The following BTG4 variants were observed in gnomAD, a reference collection of about 807,000 sequenced individuals.
The protein encoded by BTG4 is protein BTG4.
In BTG4, 10 loss-of-function variants were observed where a neutral mutation model predicts 19.3. The observed-to-expected ratio is 0.52, with a 90% confidence interval of 0.32 to 0.88. BTG4 has a LOEUF of 0.88. Among genes scored for constraint, BTG4 ranks in the 40% least tolerant of loss-of-function variants. BTG4 has a pLI of 0.04. For synonymous variants in BTG4, 91 were observed against 95.7 expected (o/e 0.95, Z 0.29); for missense variants, 238 against 281.9 (o/e 0.84, Z 1.11).
the BTG4 span, among the ~76,000 whole-genome samples, chr11:111,423,185 C>T: frequency 2.6e-5 from 4 of 152,136 alleles, no homozygotes; most frequent in Admixed American, 6.5e-5. Flanking sequence ...GAAGGGCCAC[C>T]GCAGTGACAG....
chr11:111,458,410 C>T, the BTG4 span, among the ~76,000 whole-genome samples: 1 of 152,182 alleles, frequency 6.6e-6, no homozygotes, highest in African/African-American at 2.4e-5. Context: ...CCCATGAGTG[C>T]TTGACTGCCT....
At chr11:111,497,095 A>C (rs758601039) in intron 4 of BTG4, 116 bp downstream of exon 4, 1 of 1,064,524 alleles carries the variant, frequency 9.4e-7, no homozygotes. Context: ...CTGGCTTTTA[A>C]AAATCTACAG....
downstream of BTG4, among the ~76,000 whole-genome samples, chr11:111,466,013 C>T (rs1017579927): frequency 1.3e-5 from 2 of 152,142 alleles, no homozygotes; most frequent in Non-Finnish European, 2.9e-5. Flanking sequence ...TTTAAGGGTT[C>T]CCAGCCCCAC....
chr11:111,476,169 T>C (rs921815833), intron 5 of BTG4, among the ~76,000 whole-genome samples: 2 of 75,982 alleles, frequency 2.6e-5, no homozygotes, highest in South Asian at 5.1e-4. Flanking sequence ...CAATAAAATA[T>C]TTGTTAACAA....
chr11:111,415,479 A>G, the BTG4 span, among the ~76,000 whole-genome samples: 1 of 152,334 alleles, frequency 6.6e-6, no homozygotes, highest in Admixed American at 6.5e-5. Flanking sequence ...TGCCCTCCTG[A>G]CCTAGGTCCC....
At chr11:111,422,663 G>A in the BTG4 span, among the ~76,000 whole-genome samples, 2 of 152,206 alleles carry the variant, frequency 1.3e-5, no homozygotes, top group Non-Finnish European at 2.9e-5. Context: ...TAGAACCTTT[G>A]TGCCTCAGGT....
At chr11:111,489,037 C>T (rs577950508) in intron 5 of BTG4, among the ~76,000 whole-genome samples, 2 of 43,794 alleles carry the variant, frequency 4.6e-5, no homozygotes, top group Non-Finnish European at 1.2e-4. Flanking sequence ...TCCAGCTACT[C>T]GGGAGGCTGA....
chr11:111,445,351 A>G, the BTG4 span, among the ~76,000 whole-genome samples: 1 of 152,146 alleles, frequency 6.6e-6, no homozygotes, highest in African/African-American at 2.4e-5. Context: ...TTCACAGCAA[A>G]GCCTCCAGCA....
At chr11:111,418,121 TTCA>T in the BTG4 span, 1 of 152,208 alleles carries the variant, frequency 6.6e-6, no homozygotes, top group East Asian at 1.9e-4. Flanking sequence ...AGTTTAGTTG[TTCA>T]TGAGTGATTT....
intron 1 of BTG4, among the ~76,000 whole-genome samples, chr11:111,503,685 C>A (rs1866248238): frequency 6.6e-6 from 1 of 152,116 alleles, no homozygotes; most frequent in Non-Finnish European, 1.5e-5. Flanking sequence ...GGCAGTGAAG[C>A]AACATACACA....
At chr11:111,459,067 C>T in the BTG4 span, among the ~76,000 whole-genome samples, 1 of 152,034 alleles carries the variant, frequency 6.6e-6, no homozygotes, top group Non-Finnish European at 1.5e-5. Flanking sequence ...TATGGTGAAA[C>T]CCCGTCTCTA....
the BTG4 span, chr11:111,449,671 T>G: frequency 6.6e-6 from 1 of 152,436 alleles, no homozygotes; most frequent in Non-Finnish European, 1.5e-5. Context: ...AGGAAGAGCT[T>G]CCCCAGGGAG....
At chr11:111,485,197 T>C (rs1236075527) in intron 5 of BTG4, among the ~76,000 whole-genome samples, 1 of 152,144 alleles carries the variant, frequency 6.6e-6, no homozygotes, top group African/African-American at 2.4e-5. Context: ...ATTGGACAGA[T>C]GACCCCAATA....
At chr11:111,428,056 G>T in the BTG4 span, among the ~76,000 whole-genome samples, 1 of 152,152 alleles carries the variant, frequency 6.6e-6, no homozygotes, top group Admixed American at 6.5e-5. Flanking sequence ...TAGGGAGGAG[G>T]ATTTGACTAA....
chr11:111,465,620 A>G (rs183356517), downstream of BTG4, among the ~76,000 whole-genome samples: 3 of 152,258 alleles, frequency 2.0e-5, no homozygotes, highest in African/African-American at 7.2e-5. Flanking sequence ...TTCAATCCCC[A>G]AGAGTCTTTC....
At chr11:111,386,481 G>C in the BTG4 span, among the ~76,000 whole-genome samples, 1 of 152,210 alleles carries the variant, frequency 6.6e-6, no homozygotes. Context: ...CTATGGCCCA[G>C]AAATTCAGGG....
chr11:111,509,557 A>G (rs1339885159), intron 1 of BTG4, among the ~76,000 whole-genome samples: 3 of 151,888 alleles, frequency 2.0e-5, no homozygotes, highest in Non-Finnish European at 2.9e-5. Flanking sequence ...TTAGCCAGGC[A>G]TGGTGGTGGG....
chr11:111,471,161 G>T (rs1266550863), intron 5 of BTG4, among the ~76,000 whole-genome samples: 1 of 152,178 alleles, frequency 6.6e-6, no homozygotes, highest in Non-Finnish European at 1.5e-5. Flanking sequence ...AAAGTAGGTA[G>T]TGTCTATACT....
the BTG4 span, among the ~76,000 whole-genome samples, chr11:111,426,754 C>T: frequency 9.2e-5 from 14 of 152,320 alleles, no homozygotes; most frequent in South Asian, 6.2e-4. Context: ...CCCCTTACCA[C>T]GCCCCTGTAT....
Sources: allele counts gnomAD v4.1 joint callset (sites outside exome capture counted in the v4.1 genomes callset), GRCh38; gene constraint gnomAD v4.1.1; transcripts MANE v1.5; gene names NCBI Gene and HGNC (gene_info 2026-07-23, HGNC 2026-07-21).